MCOLN2: variants seen among roughly 807,000 people sequenced by gnomAD.
MCOLN2 encodes mucolipin-2.
MCOLN2 carries 57 observed loss-of-function variants against 67.5 expected under a neutral mutation model. The ratio of observed to expected loss-of-function variants is 0.84; its 90% CI spans 0.68 to 1.05. The LOEUF (loss-of-function observed/expected upper bound fraction) is 1.05, where lower values mean the gene tolerates loss of function less well. Ranked by LOEUF, MCOLN2 falls within the 50% of genes least tolerant of loss-of-function variation. The pLI is 0.00. For synonymous variants in MCOLN2, 246 were observed against 233.3 expected (o/e 1.05, Z -0.50); for missense variants, 620 against 678.8 (o/e 0.91, Z 0.96).
intron 1 of MCOLN2, among the ~76,000 whole-genome samples, chr1:84,978,631 C>G (rs1004107812): frequency 7.2e-5 from 11 of 151,996 alleles, no homozygotes; most frequent in Non-Finnish European, 1.3e-4. Flanking sequence ...ACACAACCTA[C>G]CAAGATTGAA....
chr1:84,955,320 A>C (rs1406553891), intron 4 of MCOLN2, among the ~76,000 whole-genome samples: 1 of 152,160 alleles, frequency 6.6e-6, no homozygotes, highest in Admixed American at 6.5e-5. Flanking sequence ...ACAGAGGGGG[A>C]GTCCACCTTA....
At chr1:84,976,564 G>A (rs632623) in intron 1 of MCOLN2, among the ~76,000 whole-genome samples, 53,288 of 151,928 alleles carry the variant, frequency 0.35, 9,653 homozygotes, top group African/African-American at 0.42. Flanking sequence ...TCAGGAGTTC[G>A]AGACCAGTCT....
At chr1:84,926,825 T>C in intron 13 of MCOLN2, 104 bp from the exon 14 acceptor site, 1 of 755,738 alleles carries the variant, frequency 1.3e-6, no homozygotes, top group Non-Finnish European at 1.9e-6. Flanking sequence ...ATTATAGACA[T>C]GTTGAGTGAA....
intron 11 of MCOLN2, among the ~76,000 whole-genome samples, chr1:84,932,397 G>C (rs1479389116): frequency 6.6e-6 from 1 of 151,972 alleles, no homozygotes; most frequent in Non-Finnish European, 1.5e-5. Flanking sequence ...TTTTTTTGTA[G>C]AGATGGGGTT....
At chr1:84,970,841 T>G (rs1649643957) in intron 1 of MCOLN2, among the ~76,000 whole-genome samples, 1 of 152,038 alleles carries the variant, frequency 6.6e-6, no homozygotes, top group South Asian at 2.1e-4. Flanking sequence ...AAACAGAGAG[T>G]GCTTGATGCA....
chr1:84,965,129 G>A (rs539664032), intron 2 of MCOLN2, among the ~76,000 whole-genome samples: 35 of 152,242 alleles, frequency 2.3e-4, no homozygotes, highest in African/African-American at 6.7e-4. Flanking sequence ...TCCTGATAGC[G>A]CCTGGGATCA....
chr1:84,959,629 G>A (rs511765), intron 2 of MCOLN2, among the ~76,000 whole-genome samples: 8,756 of 152,078 alleles, frequency 0.058, 871 homozygotes, highest in African/African-American at 0.2. Context: ...AGGCAGTGAC[G>A]GTAGTCAAAT....
intron 11 of MCOLN2, among the ~76,000 whole-genome samples, chr1:84,932,196 C>T (rs564318354): frequency 1.3e-5 from 2 of 152,166 alleles, no homozygotes; most frequent in Admixed American, 6.5e-5. Context: ...ATGTTTTCTA[C>T]ACTTAGAGAG....
chr1:84,988,377 A>G (rs905771833), intron 1 of MCOLN2, among the ~76,000 whole-genome samples: 1 of 152,044 alleles, frequency 6.6e-6, no homozygotes, highest in African/African-American at 2.4e-5. Context: ...AAAATATTTC[A>G]GCGCTTGCCT....
At chr1:84,969,664 C>A (rs1342855947) in intron 1 of MCOLN2, among the ~76,000 whole-genome samples, 1 of 151,990 alleles carries the variant, frequency 6.6e-6, no homozygotes, top group Non-Finnish European at 1.5e-5. Flanking sequence ...TTGTCCTGAG[C>A]CTGACACACT....
At chr1:84,987,374 T>G (rs149639110) in intron 1 of MCOLN2, among the ~76,000 whole-genome samples, 18,627 of 128,624 alleles carry the variant, frequency 0.14, 1,370 homozygotes, top group East Asian at 0.25. Context: ...ATCCATATAT[T>G]TATATAGATA....
intron 1 of MCOLN2, among the ~76,000 whole-genome samples, chr1:84,966,674 C>T (rs914368673): frequency 6.6e-6 from 1 of 152,124 alleles, no homozygotes; most frequent in Non-Finnish European, 1.5e-5. Context: ...TTTAAGCCTA[C>T]TCAGATATTT....
Position 84,938,089 on chromosome 1 carries a change from A to C in MCOLN2, c.1111-7T>G. ...GATCATAGTTTGTGAGATTCTAAGGAATGAAAAAAAAGAAAGAGAGAAATG... is the reference window on the plus strand; with the variant it reads ...GATCATAGTTTGTGAGATTCTAAGGCATGAAAAAAAAGAAAGAGAGAAATG... On this transcript the variant is annotated splice_region_variant and splice_polypyrimidine_tract_variant and intron_variant, in intron 9 of 13. Coordinates refer to ENST00000370608, the MANE Select transcript of MCOLN2 (RefSeq NM_153259.4). 6.3e-7 allele frequency: 1 copy of C among 1,593,304 alleles called. No individual in the cohort carries two copies. Among genetic ancestry groups the C allele is most frequent in the Non-Finnish European group, 8.6e-7 (1 of 1,166,094 alleles).
intron 1 of MCOLN2, among the ~76,000 whole-genome samples, chr1:84,967,945 A>G (rs1360562704): frequency 6.6e-6 from 1 of 152,130 alleles, no homozygotes; most frequent in Non-Finnish European, 1.5e-5. Flanking sequence ...CTTCTTGAGG[A>G]GGGTGAAGAA....
At chr1:84,934,986 T>G (rs1209286389) in intron 11 of MCOLN2, among the ~76,000 whole-genome samples, 1 of 152,208 alleles carries the variant, frequency 6.6e-6, no homozygotes, top group African/African-American at 2.4e-5. Flanking sequence ...TTTAGTTGTT[T>G]TGTTTTAAAG....
intron 4 of MCOLN2, among the ~76,000 whole-genome samples, chr1:84,956,072 T>G (rs746125198): frequency 6.6e-6 from 1 of 152,020 alleles, no homozygotes; most frequent in Non-Finnish European, 1.5e-5. Flanking sequence ...TAAAAACAAG[T>G]GTACAAAACA....
At chr1:84,990,664 TCCCA>T (rs1227902945) in intron 1 of MCOLN2, among the ~76,000 whole-genome samples, 1 of 152,082 alleles carries the variant, frequency 6.6e-6, no homozygotes, top group Non-Finnish European at 1.5e-5. Context: ...AGGCCTGTAA[TCCCA>T]GAGCTTTGGG....
intron 1 of MCOLN2, among the ~76,000 whole-genome samples, chr1:84,995,949 G>A (rs1234940221): frequency 6.6e-6 from 1 of 152,102 alleles, no homozygotes. Flanking sequence ...AAAATGTGTC[G>A]TTTTTAGAGT....
intron 6 of MCOLN2, 36 bp downstream of exon 6, chr1:84,952,207 A>C: frequency 6.9e-7 from 1 of 1,457,666 alleles, no homozygotes; most frequent in Non-Finnish European, 9.5e-7. Context: ...TAGGAAAAAA[A>C]TAAAAGGAAG....
Sources: allele counts gnomAD v4.1 joint callset (sites outside exome capture counted in the v4.1 genomes callset), GRCh38; gene constraint gnomAD v4.1.1; transcripts MANE v1.5; gene names NCBI Gene and HGNC (gene_info 2026-07-23, HGNC 2026-07-21).